The following HERC4 variants were observed in gnomAD, a reference collection of about 807,000 sequenced individuals.
HERC4 encodes the protein probable E3 ubiquitin-protein ligase HERC4.
A neutral mutation model predicts 124.3 loss-of-function variants in HERC4; 28 were observed. That is an observed-to-expected ratio of 0.23 (90% CI 0.17 to 0.31). The LOEUF is 0.31. HERC4 is among the 10% of genes least tolerant of loss of function. The pLI, the probability that HERC4 is intolerant of heterozygous loss-of-function variation, is 1.00. For missense variants in HERC4, 713 were observed against 1,229.3 expected (o/e 0.58, Z 6.28); for synonymous variants, 407 against 421.5 (o/e 0.97, Z 0.42).
chr10:68,059,507 A>AATATTATATATT (rs1564607152), intron 3 of HERC4, among the ~76,000 whole-genome samples: 1 of 121,330 alleles, frequency 8.2e-6, no homozygotes, highest in African/African-American at 3.0e-5. Flanking sequence ...TATATATTAT[A>AATATTATATATT]ATATTATATA....
chr10:67,955,217 C>G, intron 17 of HERC4, 87 bp from the exon 18 acceptor site: 6 of 1,117,868 alleles, frequency 5.4e-6, no homozygotes, highest in Non-Finnish European at 6.4e-6. Flanking sequence ...CTATTAGTTA[C>G]AGGTATTCTA....
intron 9 of HERC4, among the ~76,000 whole-genome samples, chr10:68,006,625 G>A (rs1392533983): frequency 2.6e-5 from 4 of 151,966 alleles, no homozygotes; most frequent in Non-Finnish European, 4.4e-5. Context: ...TGATCTGCCC[G>A]CCTCAGCCTC....
At chr10:68,010,840 C>T in intron 9 of HERC4, 1 of 1,533,094 alleles carries the variant, frequency 6.5e-7, no homozygotes, top group Non-Finnish European at 9.0e-7. Context: ...TGGCAAATTG[C>T]TCAAGTTCTT....
At chr10:68,011,188 C>T (rs1277825889) in intron 9 of HERC4, among the ~76,000 whole-genome samples, 1 of 152,168 alleles carries the variant, frequency 6.6e-6, no homozygotes, top group East Asian at 1.9e-4. Flanking sequence ...CTAAACCTCC[C>T]AAGTAGCATG....
chr10:68,036,977 C>G (rs1047546730), intron 5 of HERC4, among the ~76,000 whole-genome samples: 2 of 151,976 alleles, frequency 1.3e-5, no homozygotes, highest in Non-Finnish European at 2.9e-5. Context: ...GATCCCTAAA[C>G]CTGTCTCTTA....
At position 67,922,787 on chromosome 10, in the gene HERC4, G is replaced by T. The variant is rs1199228025; in HGVS notation, c.*144C>A. On this transcript the variant is annotated 3_prime_UTR_variant, in exon 25 of 25. Coordinates refer to ENST00000373700, the MANE Select transcript of HERC4 (RefSeq NM_015601.4). ...TGTTCATTTTCCTTTAATATTTTTT[G>T]GCTTCCATGAACACTCGTAGATTGA... 11 of 542,364 alleles carry T rather than the reference G, an allele frequency of 2.0e-5. No individual in the cohort carries two copies. The highest frequency in any genetic ancestry group is 2.9e-5 in the Non-Finnish European group (9 of 306,048). The allele number at this position is 542,364 out of a possible 1,614,324, so 33.6% of individuals were successfully genotyped here.
intron 3 of HERC4, among the ~76,000 whole-genome samples, chr10:68,071,431 T>G (rs569617917): frequency 6.6e-6 from 1 of 152,368 alleles, no homozygotes; most frequent in South Asian, 2.1e-4. Flanking sequence ...CTACTTGCCC[T>G]ATGGCCTTTC....
At chr10:67,949,863 T>C (rs1033099565) in intron 19 of HERC4, among the ~76,000 whole-genome samples, 1 of 151,520 alleles carries the variant, frequency 6.6e-6, no homozygotes, top group Non-Finnish European at 1.5e-5. Context: ...ACCAACAATA[T>C]AAAAAACTAG....
At chr10:68,017,713 C>T (rs1466552268) in intron 8 of HERC4, among the ~76,000 whole-genome samples, 1 of 151,992 alleles carries the variant, frequency 6.6e-6, no homozygotes, top group East Asian at 1.9e-4. Flanking sequence ...GGTCATGAAC[C>T]CCTGACCTCA....
intron 15 of HERC4, among the ~76,000 whole-genome samples, chr10:67,983,316 C>G (rs2036048420): frequency 6.6e-6 from 1 of 152,070 alleles, no homozygotes; most frequent in African/African-American, 2.4e-5. Context: ...TTTGGAGGTT[C>G]CTCAAAAAAC....
In HERC4 at chr10:68,040,820, C is replaced by T. The variant is rs185683490; in HGVS notation, c.387-2651G>A. ...AGGAGAATGGCTTGAACCCAGGAGG[C>T]GGAAGTTGCAGTGAGCCAAGATTGC... On this transcript the variant is annotated intron_variant, in intron 4 of 24. Transcript: ENST00000373700. Among the ~76,000 whole-genome samples the T allele has an allele frequency of 8.4e-3, 1,245 of 148,498 alleles. 17 individuals carry two copies. Among genetic ancestry groups the T allele is most frequent in the African/African-American group, 0.03 (1,198 of 40,216 alleles).
chr10:68,026,985 C>A (rs897966649), intron 7 of HERC4, among the ~76,000 whole-genome samples: 1 of 151,952 alleles, frequency 6.6e-6, no homozygotes, highest in Non-Finnish European at 1.5e-5. Flanking sequence ...GGCAACAAAG[C>A]GAGACTCTGT....
intron 19 of HERC4, among the ~76,000 whole-genome samples, chr10:67,942,751 T>C (rs1011189262): frequency 3.7e-4 from 57 of 152,104 alleles, no homozygotes; most frequent in African/African-American, 1.3e-3. Context: ...CCTCAGGTGA[T>C]CCACCCGCCT....
chr10:67,957,730 T>C (rs983549581), intron 16 of HERC4, among the ~76,000 whole-genome samples: 2 of 152,190 alleles, frequency 1.3e-5, no homozygotes, highest in East Asian at 1.9e-4. Context: ...GCCCCTGCTA[T>C]GAGACTTCTA....
intron 21 of HERC4, among the ~76,000 whole-genome samples, chr10:67,937,540 G>C (rs1317519738): frequency 6.6e-6 from 1 of 151,982 alleles, no homozygotes; most frequent in African/African-American, 2.4e-5. Context: ...AAGGGTATGA[G>C]TGAATCAAAT....
At chr10:68,051,341 AT>A (rs34027809) in intron 3 of HERC4, among the ~76,000 whole-genome samples, 6,763 of 129,530 alleles carry the variant, frequency 0.052, 239 homozygotes, top group African/African-American at 0.17. Context: ...TGTTAACACT[AT>A]TTTTTTTTTT....
chr10:67,988,351 T>C (rs1269213597), intron 15 of HERC4, among the ~76,000 whole-genome samples: 2 of 152,180 alleles, frequency 1.3e-5, no homozygotes. Flanking sequence ...ACAAAAACCA[T>C]ATAATGCAAA....
intron 15 of HERC4, among the ~76,000 whole-genome samples, chr10:67,977,529 A>T (rs1323194122): frequency 6.6e-6 from 1 of 152,052 alleles, no homozygotes; most frequent in East Asian, 1.9e-4. Flanking sequence ...AGAAAAGTGG[A>T]GGAAAAGTAA....
At chr10:68,018,900 CTTT>C (rs34948748) in intron 8 of HERC4, among the ~76,000 whole-genome samples, 35 of 93,144 alleles carry the variant, frequency 3.8e-4, no homozygotes, top group African/African-American at 9.9e-4. Context: ...CCCCACAAGG[CTTT>C]TTTTTTTTTT....
Sources: allele counts gnomAD v4.1 joint callset (sites outside exome capture counted in the v4.1 genomes callset), GRCh38; gene constraint gnomAD v4.1.1; transcripts MANE v1.5; gene names NCBI Gene and HGNC (gene_info 2026-07-23, HGNC 2026-07-21).